Variants in TENM2 observed in about 807,000 individuals in gnomAD.
TENM2 encodes the protein teneurin transmembrane protein 2.
Under a neutral mutation model 245.2 loss-of-function variants are expected in TENM2, and 52 were observed. The ratio of observed to expected loss-of-function variants is 0.21; its 90% CI spans 0.17 to 0.27. The LOEUF is 0.27. Among genes scored for constraint, TENM2 ranks in the 10% least tolerant of loss-of-function variants. The pLI is 1.00. For missense variants in TENM2, 3,046 were observed against 3,666.8 expected (o/e 0.83, Z 4.37); for synonymous variants, 1,363 against 1,438.9 (o/e 0.95, Z 1.19).
At chr5:167,857,976 G>A (rs772833007) in intron 2 of TENM2, among the ~76,000 whole-genome samples, 2 of 152,178 alleles carry the variant, frequency 1.3e-5, no homozygotes, top group Non-Finnish European at 2.9e-5. Context: ...AAGTGAAGTG[G>A]TTGATCAGGG....
rs140335875 is a variant in TENM2 at position 167,431,914 on chromosome 5, G to GAT, written c.502+56453_502+56454dup. Among the ~76,000 whole-genome samples the GAT allele has an allele frequency of 1.9e-3, 192 of 100,066 alleles. 2 individuals carry two copies. The highest frequency in any genetic ancestry group is 7.6e-3 in the African/African-American group (153 of 20,008). 65.6% of individuals were successfully genotyped at this position (100,066 alleles called of 152,430 possible). A position where few individuals can be genotyped will look rare whatever the true frequency, so the allele number is the denominator to read the frequency against. ...CATTTAGCTCATGATTCCAAGGTGT[G>GAT]ATATATATATATACATATATATATA... On this transcript the variant is annotated intron_variant, in intron 2 of 28. Transcript: ENST00000518659.
chr5:167,415,233 A>G (rs1763103796), intron 2 of TENM2, among the ~76,000 whole-genome samples: 1 of 151,880 alleles, frequency 6.6e-6, no homozygotes, highest in Non-Finnish European at 1.5e-5. Context: ...CAGTGCTGGG[A>G]GGAAATTGTA....
At chr5:167,020,728 C>G in the TENM2 span, among the ~76,000 whole-genome samples, 1 of 152,170 alleles carries the variant, frequency 6.6e-6, no homozygotes, top group Admixed American at 6.5e-5. Flanking sequence ...CCCAGAGTTT[C>G]TTTGGGAAGT....
At chr5:167,315,971 C>T (rs1756340361) in intron 1 of TENM2, among the ~76,000 whole-genome samples, 4 of 152,182 alleles carry the variant, frequency 2.6e-5, no homozygotes, top group Admixed American at 2.6e-4. Context: ...CTGCCTGGAA[C>T]AAGTCTGTTA....
At position 167,656,887 on chromosome 5, in the gene TENM2, T is replaced by A. The variant is rs186924272; in HGVS notation, c.503-219099T>A. Among the ~76,000 whole-genome samples the A allele has an allele frequency of 2.6e-3, 389 of 152,006 alleles. 3 individuals are homozygous for A. The highest frequency in any genetic ancestry group is 4.5e-3 in the Admixed American group (69 of 15,264). Reference sequence around the variant, plus strand: ...GTACATAGTGATATTTTGACACATGTAATGTATAGTGATCAAATCAGAGCA... The same window carrying A: ...GTACATAGTGATATTTTGACACATGAAATGTATAGTGATCAAATCAGAGCA... On this transcript the variant is annotated intron_variant, in intron 2 of 28. Transcript: ENST00000518659.
chr5:167,329,621 G>A (rs1040867430), intron 1 of TENM2, among the ~76,000 whole-genome samples: 1 of 146,196 alleles, frequency 6.8e-6, no homozygotes, highest in African/African-American at 2.5e-5. Flanking sequence ...AATAATTTTG[G>A]AAATGGTGTG....
intron 2 of TENM2, among the ~76,000 whole-genome samples, chr5:167,422,776 G>A (rs910784998): frequency 2.6e-5 from 4 of 152,106 alleles, no homozygotes; most frequent in African/African-American, 9.7e-5. Context: ...TGATGCCAGA[G>A]CTGCAAGGAG....
chr5:168,033,133 G>A (rs1229805004), intron 5 of TENM2: 1 of 152,116 alleles, frequency 6.6e-6, no homozygotes, highest in African/African-American at 2.4e-5. Context: ...GGTTGCAAAA[G>A]AGGATTTATT....
At chr5:167,268,885 G>GATAGATAA in the TENM2 span, among the ~76,000 whole-genome samples, 2 of 142,230 alleles carry the variant, frequency 1.4e-5, no homozygotes, top group Non-Finnish European at 3.2e-5. Flanking sequence ...TAGATAGATA[G>GATAGATAA]ATAGATAGAT....
intron 13 of TENM2, among the ~76,000 whole-genome samples, chr5:168,164,954 G>A (rs1009075050): frequency 1.3e-5 from 2 of 152,216 alleles, no homozygotes; most frequent in Non-Finnish European, 2.9e-5. Flanking sequence ...GTCCAGAGCA[G>A]GGTGGAATCC....
At chr5:167,544,920 A>G (rs573229336) in intron 2 of TENM2, among the ~76,000 whole-genome samples, 1 of 152,182 alleles carries the variant, frequency 6.6e-6, no homozygotes, top group African/African-American at 2.4e-5. Flanking sequence ...ATGTGAAGGT[A>G]TATTCTGTAA....
chr5:168,046,833 G>A (rs1245310002), intron 5 of TENM2, among the ~76,000 whole-genome samples: 1 of 152,166 alleles, frequency 6.6e-6, no homozygotes, highest in Non-Finnish European at 1.5e-5. Flanking sequence ...TCATGAAGAG[G>A]AGTGGAAAGG....
intron 3 of TENM2, among the ~76,000 whole-genome samples, chr5:167,949,790 T>C (rs32407): frequency 0.36 from 54,401 of 151,984 alleles, 12,488 homozygotes; most frequent in African/African-American, 0.66. Context: ...CCTCTGTATA[T>C]ATCCCAGGGG....
chr5:167,232,720 C>T, the TENM2 span, among the ~76,000 whole-genome samples: 75 of 151,832 alleles, frequency 4.9e-4, no homozygotes, highest in African/African-American at 1.7e-3. Flanking sequence ...TTCTTCACAG[C>T]GGTGTGAGAA....
chr5:167,998,049 C>T (rs1581008917), intron 5 of TENM2, among the ~76,000 whole-genome samples: 1 of 152,200 alleles, frequency 6.6e-6, no homozygotes, highest in African/African-American at 2.4e-5. Context: ...TCTTTAAATA[C>T]TTTCTATAGG....
chr5:167,247,867 T>C, the TENM2 span, among the ~76,000 whole-genome samples: 5 of 152,168 alleles, frequency 3.3e-5, no homozygotes, highest in Admixed American at 2.0e-4. Flanking sequence ...TTGGTAATTA[T>C]TTGATACGCT....
chr5:167,555,114 C>A (rs1419735282), intron 2 of TENM2, among the ~76,000 whole-genome samples: 1 of 152,192 alleles, frequency 6.6e-6, no homozygotes, highest in Non-Finnish European at 1.5e-5. Context: ...TGCATACACA[C>A]ATGCACACAC....
intron 2 of TENM2, among the ~76,000 whole-genome samples, chr5:167,739,939 C>T (rs1761059010): frequency 1.3e-5 from 2 of 152,200 alleles, no homozygotes; most frequent in Non-Finnish European, 2.9e-5. Flanking sequence ...CCCTTGTTAT[C>T]TCCTGGAAAT....
chr5:167,968,273 C>G (rs1781524787), intron 4 of TENM2, among the ~76,000 whole-genome samples: 1 of 152,166 alleles, frequency 6.6e-6, no homozygotes, highest in African/African-American at 2.4e-5. Flanking sequence ...GAGGTCATGG[C>G]AAAGCGCTGC....
Sources: allele counts gnomAD v4.1 joint callset (sites outside exome capture counted in the v4.1 genomes callset), GRCh38; gene constraint gnomAD v4.1.1; transcripts MANE v1.5; gene names NCBI Gene and HGNC (gene_info 2026-07-23, HGNC 2026-07-21).